TBC1D31: variants seen among roughly 807,000 people sequenced by gnomAD.
TBC1D31 encodes WD repeat domain 67.
A neutral mutation model predicts 132.9 loss-of-function variants in TBC1D31; 99 were observed. The observed-to-expected ratio is 0.74, with a 90% CI of 0.63 to 0.88. TBC1D31 has a LOEUF of 0.88. Ranked by LOEUF, TBC1D31 falls within the 40% of genes least tolerant of loss-of-function variation. TBC1D31 has a pLI of 0.00. For synonymous variants in TBC1D31, 385 were observed against 419.4 expected, an observed-to-expected ratio of 0.92 and a Z score of 1.00; for missense variants, 1,134 against 1,256.6, an observed-to-expected ratio of 0.90 and a Z score of 1.48.
In TBC1D31 at chr8:123,072,736, A is replaced by G; in HGVS notation, c.-34A>G. On this transcript the variant is annotated 5_prime_UTR_variant, in exon 1 of 22. Coordinates refer to ENST00000287380, the MANE Select transcript of TBC1D31 (RefSeq NM_145647.4). ...CGGGAAGGCGCTGGGACGGTTACCCAGCGGGCCGCCGGCGGTCGTGGGCAA... is the reference window on the plus strand; with the variant it reads ...CGGGAAGGCGCTGGGACGGTTACCCGGCGGGCCGCCGGCGGTCGTGGGCAA... The G allele has an allele frequency of 6.5e-7, 1 of 1,549,748 alleles. No homozygotes were observed. The highest frequency in any genetic ancestry group is 1.7e-4 in the Middle Eastern group (1 of 5,974).
chr8:123,149,758 G>A (rs898668156), intron 20 of TBC1D31, among the ~76,000 whole-genome samples: 8 of 152,306 alleles, frequency 5.3e-5, no homozygotes, highest in East Asian at 3.9e-4. Flanking sequence ...ATCACATTTC[G>A]TAATCTCTAT....
chr8:123,147,903 A>G lies in TBC1D31; in HGVS notation c.2975-2133A>G, dbSNP rs185385617. ...AGCACTTTGGGAGGCCAAGGTGGGC[A>G]GATCACAAGGTCAGGAGTTTGAGAC... On this transcript the variant is annotated intron_variant, in intron 20 of 21. Transcript: ENST00000287380. Among the ~76,000 whole-genome samples, 101 of 152,044 alleles carry G rather than the reference A, an allele frequency of 6.6e-4. No individual in the cohort carries two copies. The East Asian group carries it at 0.018, about 27-fold the overall frequency.
the TBC1D31 span, among the ~76,000 whole-genome samples, chr8:123,161,706 G>C: frequency 7.2e-5 from 11 of 152,024 alleles, no homozygotes; most frequent in Non-Finnish European, 1.6e-4. Flanking sequence ...ATAAAATTGA[G>C]TATATGACAT....
At chr8:123,127,303 C>T (rs868420241) in intron 13 of TBC1D31, among the ~76,000 whole-genome samples, 2 of 121,348 alleles carry the variant, frequency 1.6e-5, no homozygotes, top group South Asian at 2.6e-4. Flanking sequence ...CAGAGTCTCG[C>T]TCTGTTGCCC....
chr8:123,102,818 T>C (rs1817572669), intron 7 of TBC1D31: 1 of 152,316 alleles, frequency 6.6e-6, no homozygotes, highest in Admixed American at 6.5e-5. Context: ...ATTTATTTTT[T>C]TGCATTTTGA....
the TBC1D31 span, among the ~76,000 whole-genome samples, chr8:123,157,434 C>G: frequency 6.6e-6 from 1 of 152,158 alleles, no homozygotes; most frequent in Non-Finnish European, 1.5e-5. Context: ...CTGCGTCCTG[C>G]CCCTGTCCCG....
At chr8:123,158,203 T>A in the TBC1D31 span, among the ~76,000 whole-genome samples, 1 of 151,994 alleles carries the variant, frequency 6.6e-6, no homozygotes, top group Non-Finnish European at 1.5e-5. Flanking sequence ...GCCCCTATCA[T>A]AAATGGAAAA....
intron 20 of TBC1D31, among the ~76,000 whole-genome samples, chr8:123,148,025 G>T (rs1822401584): frequency 6.6e-6 from 1 of 151,818 alleles, no homozygotes; most frequent in South Asian, 2.1e-4. Context: ...TACTCAGGAG[G>T]CTGAGGCAGG....
At chr8:123,074,828 G>A (rs1039985139) in intron 1 of TBC1D31, 7 of 152,216 alleles carry the variant, frequency 4.6e-5, no homozygotes, top group Non-Finnish European at 1.5e-5. Flanking sequence ...CTGTCAGTGG[G>A]GAGAATCAGA....
At chr8:123,158,429 C>G in the TBC1D31 span, among the ~76,000 whole-genome samples, 1 of 152,032 alleles carries the variant, frequency 6.6e-6, no homozygotes, top group African/African-American at 2.4e-5. Flanking sequence ...GGCGTGGGGA[C>G]CCCTGGGGAG....
At position 123,140,783 on chromosome 8, in the gene TBC1D31, C is replaced by A; in HGVS notation, c.2522C>A (p.Ala841Asp). The A allele has an allele frequency of 6.2e-7, 1 of 1,605,394 alleles. No individual in the cohort carries two copies. The highest frequency in any genetic ancestry group is 8.5e-7 in the Non-Finnish European group (1 of 1,177,864). Residue 841 changes from alanine to aspartate, a missense_variant, in exon 18 of 22, where the codon GCT (alanine) becomes GAT (aspartate). Physicochemically the swap from Ala to Asp is moderately radical, Grantham distance 126. Coordinates refer to ENST00000287380, the MANE Select transcript of TBC1D31 (RefSeq NM_145647.4). ...CAGAATCTTACTGAAAATCAAGAAG[C>A]TCTTGCAAAAGAAATGCGAGCAGAT... The part of the protein sequence containing the change: ...YEKNLTENQE[A>D]LAKEMRADAD...
the TBC1D31 span, among the ~76,000 whole-genome samples, chr8:123,163,218 C>G: frequency 6.6e-6 from 1 of 151,918 alleles, no homozygotes; most frequent in East Asian, 1.9e-4. Flanking sequence ...CCGCACCTGG[C>G]CTTTTATTTT....
Position 123,072,790 on chromosome 8 carries a change from C to T in TBC1D31, c.21C>T (p.Gly7=), listed in dbSNP as rs763162758. 1.5e-5 allele frequency: 24 copies of T among 1,571,716 alleles called. 1 individual carries two copies. The South Asian group carries it at 2.8e-4, about 18-fold the overall frequency. The change falls in exon 1 of 22, where the codon GGC becomes GGT. Residue 7 remains glycine (G), a synonymous_variant. Coordinates refer to ENST00000287380, the MANE Select transcript of TBC1D31 (RefSeq NM_145647.4). ...TCGCCATGCAGAGCACTGACCTAGG[C>T]AACAAGGAGAGCGGCAAGATATGGC... is the stretch of plus-strand genomic sequence containing the variant. MQSTDL[G]NKESGKIWHR... is the part of the protein sequence containing the mutation.
At chr8:123,076,605 G>T (rs2130610975) in intron 1 of TBC1D31, among the ~76,000 whole-genome samples, 2 of 152,146 alleles carry the variant, frequency 1.3e-5, no homozygotes, top group South Asian at 4.2e-4. Context: ...AGCAAGCAGT[G>T]GTCCTGTCCT....
At chr8:123,116,569 C>T (rs1818926711) in intron 10 of TBC1D31, among the ~76,000 whole-genome samples, 1 of 152,078 alleles carries the variant, frequency 6.6e-6, no homozygotes, top group Non-Finnish European at 1.5e-5. Flanking sequence ...TGCATGTATG[C>T]AGGAGTTAGT....
rs746974474 is a variant in TBC1D31, at chr8:123,151,977, A to G, written c.*38A>G. The G allele has an allele frequency of 7.1e-7, 1 of 1,410,572 alleles. No homozygotes were observed. The highest frequency in any genetic ancestry group is 2.7e-5 in the Admixed American group (1 of 36,580). The allele number at this position is 1,410,572 out of a possible 1,614,324, so 87.4% of individuals were successfully genotyped here. A position where few individuals can be genotyped will look rare whatever the true frequency, so the allele number is the denominator to read the frequency against. On this transcript the variant is annotated 3_prime_UTR_variant, in exon 22 of 22. Transcript: ENST00000287380. The stretch of plus-strand genomic sequence containing the variant: ...CTTGAGACGGTCGAGAGAGAGACCT[A>G]TTTTGCAATCAGTGACATTGATTTT...
intron 10 of TBC1D31, among the ~76,000 whole-genome samples, chr8:123,119,796 A>G (rs915668027): frequency 2.0e-5 from 3 of 152,240 alleles, no homozygotes; most frequent in African/African-American, 4.8e-5. Flanking sequence ...GAAGTTCTGC[A>G]TATACTGATA....
chr8:123,090,259 A>T (rs1748156281), intron 4 of TBC1D31, among the ~76,000 whole-genome samples: 1 of 152,250 alleles, frequency 6.6e-6, no homozygotes, highest in Non-Finnish European at 1.5e-5. Context: ...GTCCAGAAAT[A>T]TTAAGTAATT....
intron 8 of TBC1D31, 24 bp from the exon 9 acceptor site, chr8:123,109,293 T>C (rs779620114): frequency 1.3e-6 from 2 of 1,497,946 alleles, no homozygotes; most frequent in African/African-American, 1.4e-5. Context: ...GTGTCATTTA[T>C]TAATATTGTC....
Sources: gnomAD v4.1 joint callset for allele counts (sites outside exome capture counted in the v4.1 genomes callset) on GRCh38, gnomAD v4.1.1 for gene constraint, MANE v1.5 for transcripts, NCBI Gene and HGNC (gene_info 2026-07-23, HGNC 2026-07-21) for gene names.